The following PTPRD variants were observed in gnomAD, a reference collection of about 807,000 sequenced individuals.
The protein encoded by PTPRD is receptor-type tyrosine-protein phosphatase delta.
PTPRD carries 34 observed loss-of-function variants against 214.5 expected under a neutral mutation model. That is an observed-to-expected ratio of 0.16 (90% confidence interval 0.12 to 0.21). The LOEUF is 0.21. Among genes scored for constraint, PTPRD ranks in the 10% least tolerant of loss-of-function variants. The probability of loss-of-function intolerance (pLI) is 1.00; values close to 1 mark genes in which losing one functional copy is unlikely to be tolerated. For synonymous variants in PTPRD, 1,128 were observed against 845.7 expected, an observed-to-expected ratio of 1.33 and a Z score of -5.79; for missense variants, 2,545 against 2,398.7, an observed-to-expected ratio of 1.06 and a Z score of -1.27.
At chr9:10,006,512 A>G (rs1277980354) in intron 4 of PTPRD, among the ~76,000 whole-genome samples, 3 of 151,982 alleles carry the variant, frequency 2.0e-5, no homozygotes, top group Non-Finnish European at 4.4e-5. Context: ...TTTGGATCAT[A>G]TTCCCGTTTT....
At chr9:9,114,901 A>G (rs148639924) in intron 10 of PTPRD, among the ~76,000 whole-genome samples, 264 of 152,118 alleles carry the variant, frequency 1.7e-3, no homozygotes, top group African/African-American at 6.0e-3. Flanking sequence ...CGTTCTCTTG[A>G]ATTTGAATTT....
At position 10,470,982 on chromosome 9, in the gene PTPRD, G is replaced by C. The variant is rs371012986; in HGVS notation, c.-599-129965C>G. Among the ~76,000 whole-genome samples, 32 of 152,296 alleles carry C rather than the reference G, an allele frequency of 2.1e-4. No individual in the cohort carries two copies. The South Asian group carries it at 6.2e-3, about 30-fold the overall frequency. On this transcript the variant is annotated intron_variant, in intron 2 of 45. Coordinates refer to ENST00000381196, the MANE Select transcript of PTPRD (RefSeq NM_002839.4). ...TATTATGCAGCCATAAAAACAATGAGTTCACGTCCTTTGCAGGACATGGAT... is the reference window on the plus strand; with the variant it reads ...TATTATGCAGCCATAAAAACAATGACTTCACGTCCTTTGCAGGACATGGAT...
At chr9:9,756,848 T>C (rs1269638773) in intron 6 of PTPRD, among the ~76,000 whole-genome samples, 2 of 152,176 alleles carry the variant, frequency 1.3e-5, no homozygotes, top group African/African-American at 4.8e-5. Context: ...GCTCCACATT[T>C]TTCTAGACTG....
rs564503485 is a variant in PTPRD, at chr9:10,171,947, C to T, written c.-544-138157G>A. ...ACTCTATTATTTAGGTATGAAAAGA[C>T]ATGGTGTTATATTTTCCTTGGTCAA... is the stretch of plus-strand genomic sequence containing the variant. On this transcript the variant is annotated intron_variant, in intron 3 of 45. Coordinates refer to ENST00000381196, the MANE Select transcript of PTPRD (RefSeq NM_002839.4). Among the ~76,000 whole-genome samples the T allele has an allele frequency of 2.0e-5, 3 of 152,230 alleles. No individual in the cohort carries two copies. The East Asian group carries it at 5.8e-4, about 29-fold the overall frequency.
At chr9:9,494,239 G>A (rs2096065017) in intron 8 of PTPRD, among the ~76,000 whole-genome samples, 2 of 152,112 alleles carry the variant, frequency 1.3e-5, no homozygotes, top group African/African-American at 4.8e-5. Context: ...TTTTTGACAT[G>A]GCAACAAATG....
intron 2 of PTPRD, among the ~76,000 whole-genome samples, chr9:10,388,738 C>T (rs939085164): frequency 1.3e-5 from 2 of 151,736 alleles, no homozygotes; most frequent in East Asian, 1.9e-4. Context: ...TGTCACTTAA[C>T]TTTGATAAGT....
chr9:10,190,402 AAAAAAAAAAAAAAAAAAAC>A (rs1355562609), intron 3 of PTPRD, among the ~76,000 whole-genome samples: 7 of 76,594 alleles, frequency 9.1e-5, no homozygotes, highest in South Asian at 8.8e-4. Context: ...AAAAAAAAAA[AAAAAAAAAAAAAAAAAAAC>A]AAAAAGTCAA....
At position 8,628,983 on chromosome 9, in the gene PTPRD, G is replaced by C. The variant is rs144631949; in HGVS notation, c.352+4334C>G. Among the ~76,000 whole-genome samples, 778 of 151,850 alleles carry C rather than the reference G, an allele frequency of 5.1e-3. 4 individuals are homozygous for C. The highest frequency in any genetic ancestry group is 8.1e-3 in the Non-Finnish European group (551 of 67,814). Reference sequence around the variant, plus strand: ...TATCATACCCTGTTCTGTTGTGCTAGTGGTGGTGGTGGTTTGGGGCAGTGC... The same window carrying C: ...TATCATACCCTGTTCTGTTGTGCTACTGGTGGTGGTGGTTTGGGGCAGTGC... On this transcript the variant is annotated intron_variant, in intron 14 of 45. Transcript: ENST00000381196.
intron 11 of PTPRD, among the ~76,000 whole-genome samples, chr9:8,768,397 A>G (rs1170364971): frequency 6.6e-6 from 1 of 152,084 alleles, no homozygotes; most frequent in African/African-American, 2.4e-5. Context: ...CAAAAATACA[A>G]AACAATTAGC....
chr9:8,822,579 T>C (rs2097092663), intron 11 of PTPRD, among the ~76,000 whole-genome samples: 1 of 152,148 alleles, frequency 6.6e-6, no homozygotes, highest in Non-Finnish European at 1.5e-5. Context: ...TTCACTGAGA[T>C]AAAGTAATTA....
chr9:10,468,801 T>C (rs933184860), intron 2 of PTPRD, among the ~76,000 whole-genome samples: 2 of 152,100 alleles, frequency 1.3e-5, no homozygotes, highest in African/African-American at 2.4e-5. Flanking sequence ...CAAAAATGAA[T>C]GGTTACTAGG....
intron 3 of PTPRD, among the ~76,000 whole-genome samples, chr9:10,284,208 G>T (rs2095261195): frequency 6.6e-6 from 1 of 151,976 alleles, no homozygotes; most frequent in East Asian, 1.9e-4. Context: ...GTGTGACAGA[G>T]ACCCCATCTC....
chr9:9,591,431 C>T (rs1010683820), intron 7 of PTPRD, among the ~76,000 whole-genome samples: 5 of 151,958 alleles, frequency 3.3e-5, no homozygotes, highest in African/African-American at 7.2e-5. Context: ...CAGGGAGGAA[C>T]ACAACACTGC....
Position 9,054,494 on chromosome 9 carries a change from A to G in PTPRD, c.-142-35759T>C, listed in dbSNP as rs2099692595. Among the ~76,000 whole-genome samples, 3 of 152,136 alleles carry G rather than the reference A, an allele frequency of 2.0e-5. No individual in the cohort carries two copies. In the South Asian group the frequency reaches 6.2e-4, roughly 31 times the overall value. ...TATTTATGATGATTCCTACATCTAG[A>G]CCTTCATGACTTGCTAAGGTCAAGC... On this transcript the variant is annotated intron_variant, in intron 10 of 45. Coordinates refer to ENST00000381196, the MANE Select transcript of PTPRD (RefSeq NM_002839.4).
intron 12 of PTPRD, among the ~76,000 whole-genome samples, chr9:8,717,846 C>T (rs1414573857): frequency 6.6e-6 from 1 of 152,190 alleles, no homozygotes; most frequent in Admixed American, 6.5e-5. Context: ...TCCGGCACAC[C>T]TATGAACATT....
chr9:9,895,257 G>C (rs78990746), intron 5 of PTPRD, among the ~76,000 whole-genome samples: 8,884 of 151,586 alleles, frequency 0.059, 368 homozygotes, highest in African/African-American at 0.11. Context: ...ACCAGTAAGA[G>C]AAAAAAGGAA....
intron 5 of PTPRD, among the ~76,000 whole-genome samples, chr9:9,795,119 AAC>A (rs1463445228): frequency 1.3e-5 from 2 of 152,192 alleles, no homozygotes; most frequent in African/African-American, 4.8e-5. Context: ...AGAATACTTT[AAC>A]TATGTATAGT....
chr9:10,545,868 G>T (rs939499700), intron 2 of PTPRD, among the ~76,000 whole-genome samples: 2 of 151,972 alleles, frequency 1.3e-5, no homozygotes, highest in African/African-American at 4.8e-5. Context: ...ATTATTCCAT[G>T]GAACACAAGG....
In PTPRD at chr9:8,697,623, A is replaced by G. The variant is rs1174472972; in HGVS notation, c.64+36157T>C. ...TTTTTAGTAGAGATGAGTTTTCACC[A>G]TGTTGGCCAGGCTAGTCTCGAACTC... On this transcript the variant is annotated intron_variant, in intron 12 of 45. Coordinates refer to ENST00000381196, the MANE Select transcript of PTPRD (RefSeq NM_002839.4). 4.0e-5 allele frequency among the ~76,000 whole-genome samples: 6 copies of G among 150,814 alleles called. No individual in the cohort carries two copies. In the East Asian group the frequency reaches 9.8e-4, roughly 25 times the overall value.
Sources: gnomAD v4.1 joint callset for allele counts (sites outside exome capture counted in the v4.1 genomes callset) on GRCh38, gnomAD v4.1.1 for gene constraint, MANE v1.5 for transcripts, NCBI Gene and HGNC (gene_info 2026-07-23, HGNC 2026-07-21) for gene names.